Variants in DOK6 observed in about 807,000 individuals in gnomAD.
DOK6 encodes the protein docking protein 6.
Under a neutral mutation model 44.0 loss-of-function variants are expected in DOK6, and 22 were observed. That is an observed-to-expected ratio of 0.50 (90% CI 0.36 to 0.71). The LOEUF is 0.71. Ranked by LOEUF, DOK6 falls within the 30% of genes least tolerant of loss-of-function variation. The pLI is 0.00. For synonymous variants in DOK6, 166 were observed against 145.5 expected (o/e 1.14, Z -1.01); for missense variants, 340 against 416.4 (o/e 0.82, Z 1.60).
chr18:69,428,848 A>G (rs1978717150), intron 1 of DOK6, among the ~76,000 whole-genome samples: 1 of 152,242 alleles, frequency 6.6e-6, no homozygotes, highest in Admixed American at 6.5e-5. Flanking sequence ...TTTTACATCA[A>G]TGATGAATAA....
chr18:69,609,531 C>G (rs1240125655), intron 3 of DOK6, among the ~76,000 whole-genome samples: 1 of 120,284 alleles, frequency 8.3e-6, no homozygotes, highest in Non-Finnish European at 1.9e-5. Flanking sequence ...CAACAAGTGT[C>G]GGCAAAGATG....
intron 2 of DOK6, among the ~76,000 whole-genome samples, chr18:69,575,493 A>AAACCATAATTCC (rs1983217356): frequency 6.6e-6 from 1 of 152,118 alleles, no homozygotes; most frequent in African/African-American, 2.4e-5. Context: ...GGAGTTTGGT[A>AAACCATAATTCC]TCAGCCTTAG....
chr18:69,775,405 G>C (rs1193840895), intron 7 of DOK6, among the ~76,000 whole-genome samples: 1 of 151,908 alleles, frequency 6.6e-6, no homozygotes, highest in African/African-American at 2.4e-5. Flanking sequence ...ATGTTTAAAA[G>C]AAAGGTAGAA....
At chr18:69,434,321 T>C (rs963534067) in intron 1 of DOK6, among the ~76,000 whole-genome samples, 2 of 152,202 alleles carry the variant, frequency 1.3e-5, no homozygotes, top group Non-Finnish European at 2.9e-5. Flanking sequence ...ATTAAACACT[T>C]TGCACTTTAA....
intron 7 of DOK6, among the ~76,000 whole-genome samples, chr18:69,775,295 GA>G (rs1182162376): frequency 4.0e-5 from 6 of 151,856 alleles, no homozygotes; most frequent in Admixed American, 6.6e-5. Flanking sequence ...AACTCACAAA[GA>G]AGAACTGGAG....
At chr18:69,536,633 C>A (rs1022001532) in intron 1 of DOK6, among the ~76,000 whole-genome samples, 1 of 151,938 alleles carries the variant, frequency 6.6e-6, no homozygotes, top group Non-Finnish European at 1.5e-5. Context: ...TATTCTTGGT[C>A]TAAACATCAT....
At chr18:69,674,432 C>T (rs1279577250) in intron 3 of DOK6, among the ~76,000 whole-genome samples, 2 of 152,104 alleles carry the variant, frequency 1.3e-5, no homozygotes, top group Admixed American at 6.6e-5. Context: ...GAGCTATCTC[C>T]AGCTGTTACA....
intron 4 of DOK6, among the ~76,000 whole-genome samples, chr18:69,694,059 A>C (rs1319827079): frequency 1.2e-4 from 1 of 8,092 alleles, no homozygotes; most frequent in Non-Finnish European, 2.4e-4. Flanking sequence ...ACTCCGTGTC[A>C]AAAAAAAAAA....
At chr18:69,600,533 T>A (rs1983847271) in intron 3 of DOK6, among the ~76,000 whole-genome samples, 3 of 152,194 alleles carry the variant, frequency 2.0e-5, no homozygotes, top group Non-Finnish European at 4.4e-5. Context: ...ATTCCCATTT[T>A]GTAATACCCC....
At chr18:69,433,199 AT>A (rs1179389771) in intron 1 of DOK6, among the ~76,000 whole-genome samples, 7 of 152,288 alleles carry the variant, frequency 4.6e-5, no homozygotes, top group Admixed American at 2.0e-4. Flanking sequence ...CACATCCACA[AT>A]TTTTAGGAGA....
Position 69,846,083 on chromosome 18 carries a change from T to C in DOK6, c.*4700T>C, listed in dbSNP as rs761265357. The C allele has an allele frequency of 7.9e-5, 12 of 152,246 alleles. No homozygotes were observed. Among genetic ancestry groups the C allele is most frequent in the Non-Finnish European group, 1.5e-4 (10 of 68,058 alleles). The allele number at this position is 152,246 out of a possible 1,614,324, so 9.4% of individuals were successfully genotyped here. A position where few individuals can be genotyped will look rare whatever the true frequency, so the allele number is the denominator to read the frequency against. On this transcript the variant is annotated 3_prime_UTR_variant, in exon 8 of 8. Transcript: ENST00000382713. ...TGCAGACCTGCCACAAATCCTTACC[T>C]TCTTACTGAAGAATGTGACTATTGT...
At chr18:69,583,322 GT>G (rs1983411823) in intron 2 of DOK6, among the ~76,000 whole-genome samples, 1 of 152,108 alleles carries the variant, frequency 6.6e-6, no homozygotes, top group Non-Finnish European at 1.5e-5. Flanking sequence ...CAGGTGCATG[GT>G]TGCTTTCAGG....
chr18:69,420,526 T>A (rs1040012750), intron 1 of DOK6, among the ~76,000 whole-genome samples: 5 of 152,176 alleles, frequency 3.3e-5, no homozygotes, highest in African/African-American at 1.2e-4. Context: ...AGTTCTAGGG[T>A]ACATGTGCAC....
chr18:69,805,373 G>A (rs1323698567), intron 7 of DOK6, among the ~76,000 whole-genome samples: 1 of 152,146 alleles, frequency 6.6e-6, no homozygotes, highest in Non-Finnish European at 1.5e-5. Flanking sequence ...GAAGGCCCTT[G>A]TGAGGTTTTA....
At chr18:69,832,149 A>G (rs1439880971) in intron 7 of DOK6, among the ~76,000 whole-genome samples, 1 of 152,170 alleles carries the variant, frequency 6.6e-6, no homozygotes, top group Non-Finnish European at 1.5e-5. Flanking sequence ...CCCATTCAGT[A>G]TGATACTAGC....
chr18:69,672,130 A>G (rs991974445), intron 3 of DOK6, among the ~76,000 whole-genome samples: 5 of 152,196 alleles, frequency 3.3e-5, no homozygotes, highest in African/African-American at 1.2e-4. Context: ...TTAAAGGACT[A>G]TTAGGTATCA....
At chr18:69,680,889 T>G in intron 4 of DOK6, among the ~76,000 whole-genome samples, 1 of 150,324 alleles carries the variant, frequency 6.7e-6, no homozygotes, top group South Asian at 2.1e-4. Context: ...CTAACTGAAG[T>G]CTTTAAAAAT....
At chr18:69,802,727 T>C (rs1980939650) in intron 7 of DOK6, among the ~76,000 whole-genome samples, 1 of 152,172 alleles carries the variant, frequency 6.6e-6, no homozygotes, top group South Asian at 2.1e-4. Flanking sequence ...TGGCTCTCTC[T>C]TGGCCTTCTG....
Position 69,548,912 on chromosome 18 carries a change from T to A in DOK6, c.67-15575T>A. ...ATCAAGACCATCCTGGCTAACATGG[T>A]GAAACCCCGTCTCTACTAAAAATAC... On this transcript the variant is annotated intron_variant, in intron 1 of 7. Transcript: ENST00000382713. Among the ~76,000 whole-genome samples, 2 of 150,974 alleles carry A rather than the reference T, an allele frequency of 1.3e-5. 1 individual carries two copies. The highest frequency in any genetic ancestry group is 3.0e-5 in the Non-Finnish European group (2 of 67,502).
Sources: allele counts gnomAD v4.1 joint callset (sites outside exome capture counted in the v4.1 genomes callset), GRCh38; gene constraint gnomAD v4.1.1; transcripts MANE v1.5; gene names NCBI Gene and HGNC (gene_info 2026-07-23, HGNC 2026-07-21).